ABCC9: variants seen among roughly 807,000 people sequenced by gnomAD.
ABCC9 encodes the protein ATP binding cassette subfamily C member 9, also known as ATP-binding cassette sub-family C member 9.
In ABCC9, 95 loss-of-function variants were observed where a neutral mutation model predicts 188.3. That is an observed-to-expected ratio of 0.50 (90% confidence interval 0.43 to 0.60). The LOEUF (loss-of-function observed/expected upper bound fraction) is 0.60. Ranked by LOEUF, ABCC9 falls within the 20% of genes least tolerant of loss-of-function variation. ABCC9 has a pLI of 0.00. For synonymous variants in ABCC9, 659 were observed against 652.7 expected (o/e 1.01, Z -0.15); for missense variants, 1,102 against 1,876.3 (o/e 0.59, Z 7.62).
At chr12:21,907,923 G>A (rs541777461) in intron 11 of ABCC9, among the ~76,000 whole-genome samples, 154 bp downstream of exon 11, 11 of 151,996 alleles carry the variant, frequency 7.2e-5, no homozygotes, top group Middle Eastern at 3.4e-3. Context: ...AATTGTTTTT[G>A]CAACATGGAA....
At chr12:21,934,153 C>T (rs1035160682) in intron 3 of ABCC9, among the ~76,000 whole-genome samples, 13 of 151,996 alleles carry the variant, frequency 8.6e-5, no homozygotes, top group African/African-American at 2.9e-4. Flanking sequence ...TGGCATTACT[C>T]AGGAATAATA....
chr12:21,834,401 C>T (rs1943954090), intron 30 of ABCC9, among the ~76,000 whole-genome samples: 1 of 152,254 alleles, frequency 6.6e-6, no homozygotes, highest in South Asian at 2.1e-4. Context: ...AGGTGCATTA[C>T]AGTGGTGTTG....
intron 4 of ABCC9, among the ~76,000 whole-genome samples, chr12:21,932,090 T>C (rs1949312062): frequency 6.6e-6 from 1 of 152,152 alleles, no homozygotes; most frequent in African/African-American, 2.4e-5. Context: ...AAAGGTCTTC[T>C]AATATTAGCT....
chr12:21,885,668 A>C (rs1946839323), intron 15 of ABCC9, among the ~76,000 whole-genome samples: 2 of 152,270 alleles, frequency 1.3e-5, no homozygotes, highest in South Asian at 4.1e-4. Context: ...CCATGTCCCC[A>C]CACTAACAAA....
intron 25 of ABCC9, 68 bp from the exon 26 acceptor site, chr12:21,845,900 C>T: frequency 2.7e-6 from 3 of 1,116,644 alleles, no homozygotes; most frequent in Non-Finnish European, 4.0e-6. Flanking sequence ...TATTGCTCCA[C>T]AAATAGTATA....
chr12:21,853,823 G>A (rs2137453953), intron 22 of ABCC9, among the ~76,000 whole-genome samples: 1 of 152,270 alleles, frequency 6.6e-6, no homozygotes, highest in East Asian at 1.9e-4. Flanking sequence ...GACCAGGGAT[G>A]GCAGGGAATG....
rs531058990 is a variant in ABCC9 at position 21,823,319 on chromosome 12, A to C, written c.3670-5068T>G. 1.2e-4 allele frequency among the ~76,000 whole-genome samples: 19 copies of C among 152,338 alleles called. No homozygotes were observed. The South Asian group carries it at 2.5e-3, about 20-fold the overall frequency. ...TATTTGGAATTATAATGAAAACTGTAATTCTCTATAAGGCAGCCTTGTAAA... is the reference window on the plus strand; with the variant it reads ...TATTTGGAATTATAATGAAAACTGTCATTCTCTATAAGGCAGCCTTGTAAA... On this transcript the variant is annotated intron_variant, in intron 31 of 39. Coordinates refer to ENST00000261200, the MANE Select transcript of ABCC9 (RefSeq NM_020297.4).
chr12:21,876,696 G>T (rs1331750474), intron 16 of ABCC9, among the ~76,000 whole-genome samples: 1 of 152,204 alleles, frequency 6.6e-6, no homozygotes, highest in Non-Finnish European at 1.5e-5. Flanking sequence ...GGATGAAGTA[G>T]ACACAGATGA....
chr12:21,889,775 T>C (rs1382032888), intron 14 of ABCC9, among the ~76,000 whole-genome samples: 1 of 152,282 alleles, frequency 6.6e-6, no homozygotes, highest in African/African-American at 2.4e-5. Flanking sequence ...CTGACCTTGA[T>C]TGAGAATGGG....
intron 34 of ABCC9, 26 bp downstream of exon 34, chr12:21,815,737 A>G (rs754334883): frequency 3.7e-6 from 6 of 1,610,608 alleles, no homozygotes; most frequent in African/African-American, 2.7e-5. Flanking sequence ...TATGTATACA[A>G]CATATCAAAT....
At chr12:21,880,705 A>G (rs1207132715) in intron 16 of ABCC9, among the ~76,000 whole-genome samples, 1 of 152,176 alleles carries the variant, frequency 6.6e-6, no homozygotes, top group Non-Finnish European at 1.5e-5. Context: ...CACGTGGCAA[A>G]AAAATGAGAA....
intron 11 of ABCC9, 91 bp downstream of exon 11, chr12:21,907,986 A>T (rs1948122689): frequency 7.3e-7 from 1 of 1,360,916 alleles, no homozygotes; most frequent in South Asian, 1.3e-5. Flanking sequence ...TTTCCAAATT[A>T]TCTTTAGTGG....
intron 7 of ABCC9, among the ~76,000 whole-genome samples, chr12:21,914,105 T>G (rs1948436760): frequency 6.6e-6 from 1 of 152,190 alleles, no homozygotes; most frequent in South Asian, 2.1e-4. Flanking sequence ...TTTAATTTCA[T>G]AACACATATT....
At chr12:21,890,337 G>A (rs1406647906) in intron 14 of ABCC9, among the ~76,000 whole-genome samples, 3 of 152,020 alleles carry the variant, frequency 2.0e-5, no homozygotes, top group South Asian at 4.1e-4. Context: ...GTTTACTCTC[G>A]AGCTTCATGC....
rs757094505 is a variant in ABCC9 at position 21,863,079 on chromosome 12, A to AG, written c.2238-26_2238-25insC. 2.7e-6 allele frequency: 4 copies of AG among 1,494,156 alleles called. No individual in the cohort carries two copies. The African/African-American group carries it at 5.5e-5, about 21-fold the overall frequency. 92.6% of individuals were successfully genotyped at this position (1,494,156 alleles called of 1,614,324 possible). The stretch of plus-strand genomic sequence containing the variant: ...ACTGAAAAATGAAAAAGAAAAAAAA[A>AG]AACACCAGGATTATGCAAAGGTACT... On this transcript the variant is annotated intron_variant, in intron 19 of 39. Coordinates refer to ENST00000261200, the MANE Select transcript of ABCC9 (RefSeq NM_020297.4).
intron 3 of ABCC9, among the ~76,000 whole-genome samples, chr12:21,935,797 C>T (rs1949462442): frequency 6.6e-6 from 1 of 152,036 alleles, no homozygotes; most frequent in South Asian, 2.1e-4. Context: ...TAATGTCCAT[C>T]ATTTTAGGTA....
intron 17 of ABCC9, among the ~76,000 whole-genome samples, chr12:21,873,911 A>C (rs1946205335): frequency 6.6e-6 from 1 of 152,140 alleles, no homozygotes; most frequent in Non-Finnish European, 1.5e-5. Flanking sequence ...AAACTATAAA[A>C]ATCCTTAAAG....
At chr12:21,910,717 C>T (rs1948284580) in intron 9 of ABCC9, 109 bp downstream of exon 9, 1 of 982,320 alleles carries the variant, frequency 1.0e-6, no homozygotes, top group Non-Finnish European at 1.6e-6. Context: ...TGTTGTAATA[C>T]CAAAATGAAA....
chr12:21,910,102 TTTTTTG>T (rs1218947696), intron 10 of ABCC9, 49 bp downstream of exon 10: 1 of 1,505,322 alleles, frequency 6.6e-7, no homozygotes, highest in Non-Finnish European at 9.2e-7. Flanking sequence ...CATTACTGCT[TTTTTTG>T]TTTTATTTCC....
Sources: gnomAD v4.1 joint callset for allele counts (sites outside exome capture counted in the v4.1 genomes callset) on GRCh38, gnomAD v4.1.1 for gene constraint, MANE v1.5 for transcripts, NCBI Gene and HGNC (gene_info 2026-07-23, HGNC 2026-07-21) for gene names.